The following CSMD1 variants were observed in gnomAD, a reference collection of about 807,000 sequenced individuals.
CSMD1 encodes CUB and Sushi multiple domains 1, also known as CUB and sushi domain-containing protein 1.
Under a neutral mutation model 417.5 loss-of-function variants are expected in CSMD1, and 213 were observed. That is an observed-to-expected ratio of 0.51 (90% CI 0.46 to 0.57). CSMD1 has a LOEUF of 0.57. Among genes scored for constraint, CSMD1 ranks in the 20% least tolerant of loss-of-function variants. The probability of loss-of-function intolerance (pLI) is 0.00; values close to 1 mark genes in which losing one functional copy is unlikely to be tolerated. For synonymous variants in CSMD1, 2,862 were observed against 1,736.8 expected (o/e 1.65, Z -16.11); for missense variants, 6,923 against 4,529.7 (o/e 1.53, Z -15.17).
chr8:4,819,727 T>C (rs1210932034), intron 1 of CSMD1, among the ~76,000 whole-genome samples: 1 of 152,070 alleles, frequency 6.6e-6, no homozygotes, highest in East Asian at 1.9e-4. Flanking sequence ...ATAAAACCAT[T>C]GAACGGAAAA....
At chr8:3,734,370 T>C (rs544484736) in intron 6 of CSMD1, among the ~76,000 whole-genome samples, 3 of 152,244 alleles carry the variant, frequency 2.0e-5, no homozygotes, top group African/African-American at 4.8e-5. Context: ...CGTAGAAAAA[T>C]GGATTTGCTT....
chr8:3,449,813 T>G (rs1585181576), intron 12 of CSMD1, among the ~76,000 whole-genome samples: 2 of 152,230 alleles, frequency 1.3e-5, no homozygotes, highest in Non-Finnish European at 2.9e-5. Context: ...CCACTGCACC[T>G]AGCCGAGAGC....
At chr8:4,274,100 C>T (rs530948948) in intron 3 of CSMD1, among the ~76,000 whole-genome samples, 2 of 152,192 alleles carry the variant, frequency 1.3e-5, no homozygotes, top group East Asian at 3.9e-4. Flanking sequence ...CTATATGGAA[C>T]ATATTAAATA....
At chr8:4,781,147 C>T (rs930213603) in intron 1 of CSMD1, among the ~76,000 whole-genome samples, 2 of 152,158 alleles carry the variant, frequency 1.3e-5, no homozygotes, top group African/African-American at 4.8e-5. Context: ...TGCAATCCCA[C>T]ATAGTGGCTG....
intron 12 of CSMD1, among the ~76,000 whole-genome samples, chr8:3,413,257 A>AT (rs149624936): frequency 6.6e-6 from 1 of 152,082 alleles, no homozygotes; most frequent in African/African-American, 2.4e-5. Flanking sequence ...AAATTATGGC[A>AT]TTTTGGGGAT....
At chr8:3,368,749 T>G (rs887069589) in intron 19 of CSMD1, among the ~76,000 whole-genome samples, 1 of 152,266 alleles carries the variant, frequency 6.6e-6, no homozygotes, top group African/African-American at 2.4e-5. Flanking sequence ...CAAAATATCC[T>G]GATCTTCACT....
At chr8:4,143,816 T>G (rs13264106) in intron 3 of CSMD1, among the ~76,000 whole-genome samples, 46,241 of 150,958 alleles carry the variant, frequency 0.31, 8,838 homozygotes, top group Non-Finnish European at 0.4. Context: ...AGGGCCTAGT[T>G]ACACAGTTTT....
At chr8:3,893,339 T>TTATGTATATATATATATATATATATATA (rs1807114101) in intron 5 of CSMD1, among the ~76,000 whole-genome samples, 1 of 80,440 alleles carries the variant, frequency 1.2e-5, no homozygotes, top group African/African-American at 3.6e-5. Flanking sequence ...ATTCACAATT[T>TTATGTATATATATATATATATATATATA]TATATATATA....
intron 4 of CSMD1, among the ~76,000 whole-genome samples, chr8:4,000,345 C>T (rs1249407552): frequency 1.3e-5 from 2 of 152,242 alleles, no homozygotes; most frequent in Non-Finnish European, 2.9e-5. Context: ...TTGGGAAGAG[C>T]TACTGGGAAT....
rs141386472 is a variant in CSMD1, at chr8:3,841,364, G to A, written c.819-87322C>T. Among the ~76,000 whole-genome samples the A allele has an allele frequency of 8.1e-4, 124 of 152,156 alleles. 1 individual carries two copies. The highest frequency in any genetic ancestry group is 4.8e-3 in the South Asian group (23 of 4,824). On this transcript the variant is annotated intron_variant, in intron 5 of 69. Transcript: ENST00000635120. ...TTTGGACTTCTTTAACCATGCTTTC[G>A]TTATGTGGTTCTCAACCTCAAGCAA...
chr8:3,499,569 T>C (rs533644821), intron 10 of CSMD1, among the ~76,000 whole-genome samples: 1 of 152,204 alleles, frequency 6.6e-6, no homozygotes, highest in South Asian at 2.1e-4. Context: ...AAGAGGCATA[T>C]ATCCAGGGTG....
intron 5 of CSMD1, among the ~76,000 whole-genome samples, chr8:3,953,453 G>C (rs2407190): frequency 0.28 from 43,015 of 152,044 alleles, 6,609 homozygotes; most frequent in African/African-American, 0.38. Context: ...GCACAGAGAA[G>C]AGACCATAAA....
At chr8:2,947,525 G>A (rs1802332519) in intron 68 of CSMD1, among the ~76,000 whole-genome samples, 1 of 152,116 alleles carries the variant, frequency 6.6e-6, no homozygotes, top group Non-Finnish European at 1.5e-5. Flanking sequence ...AAAATCCCTT[G>A]TTAAACCAAG....
intron 57 of CSMD1, among the ~76,000 whole-genome samples, chr8:2,968,893 G>C (rs1230874684): frequency 6.6e-6 from 1 of 152,050 alleles, no homozygotes; most frequent in East Asian, 1.9e-4. Context: ...TTGTTAACGT[G>C]ACTTCTTCAG....
chr8:3,235,750 T>G (rs1799111162), intron 26 of CSMD1, among the ~76,000 whole-genome samples: 1 of 152,106 alleles, frequency 6.6e-6, no homozygotes, highest in Non-Finnish European at 1.5e-5. Context: ...TTTTTGAAAG[T>G]ACCTTTTGTA....
At chr8:4,094,241 G>C (rs1010680317) in intron 3 of CSMD1, among the ~76,000 whole-genome samples, 3 of 152,068 alleles carry the variant, frequency 2.0e-5, no homozygotes, top group African/African-American at 7.2e-5. Context: ...ACCTGGACAA[G>C]TTGACTGTTT....
At chr8:4,718,859 C>T (rs1808858089) in intron 1 of CSMD1, among the ~76,000 whole-genome samples, 1 of 151,618 alleles carries the variant, frequency 6.6e-6, no homozygotes, top group African/African-American at 2.4e-5. Context: ...CTAAAAAGTA[C>T]CAAAATGTAA....
At chr8:3,901,868 T>G (rs1807777135) in intron 5 of CSMD1, among the ~76,000 whole-genome samples, 1 of 152,198 alleles carries the variant, frequency 6.6e-6, no homozygotes, top group Admixed American at 6.5e-5. Flanking sequence ...TACTGTACTC[T>G]TCTCTAGTGC....
At chr8:4,249,477 T>A (rs1802917283) in intron 3 of CSMD1, among the ~76,000 whole-genome samples, 1 of 152,094 alleles carries the variant, frequency 6.6e-6, no homozygotes, top group African/African-American at 2.4e-5. Flanking sequence ...GTAAACAGGG[T>A]TAAACATTTT....
Sources: allele counts gnomAD v4.1 joint callset (sites outside exome capture counted in the v4.1 genomes callset), GRCh38; gene constraint gnomAD v4.1.1; transcripts MANE v1.5; gene names NCBI Gene and HGNC (gene_info 2026-07-23, HGNC 2026-07-21).